LRRC49: variants seen among roughly 807,000 people sequenced by gnomAD.
LRRC49 encodes leucine rich repeat containing 49, also known as leucine-rich repeat-containing protein 49.
In LRRC49, 50 loss-of-function variants were observed where a neutral mutation model predicts 83.3. The observed-to-expected ratio is 0.60, with a 90% confidence interval of 0.48 to 0.76. The LOEUF is 0.76. Among genes scored for constraint, LRRC49 ranks in the 30% least tolerant of loss-of-function variants. The probability of loss-of-function intolerance (pLI) is 0.00; values close to 1 mark genes in which losing one functional copy is unlikely to be tolerated. For missense variants in LRRC49, 704 were observed against 809.1 expected, an observed-to-expected ratio of 0.87 and a Z score of 1.58; for synonymous variants, 286 against 283.3, an observed-to-expected ratio of 1.01 and a Z score of -0.10.
intron 15 of LRRC49, among the ~76,000 whole-genome samples, chr15:71,044,821 G>T (rs1351653388): frequency 6.6e-6 from 1 of 151,326 alleles, no homozygotes; most frequent in Non-Finnish European, 1.5e-5. Context: ...CATAAGCATT[G>T]GGAAACAGAA....
chr15:70,968,944 C>A (rs1212187668), intron 9 of LRRC49, among the ~76,000 whole-genome samples: 1 of 152,104 alleles, frequency 6.6e-6, no homozygotes, highest in Admixed American at 6.6e-5. Context: ...CCTGTTGACT[C>A]TGATGATAGT....
chr15:71,022,449 C>T (rs557526141), intron 14 of LRRC49, among the ~76,000 whole-genome samples: 4 of 152,140 alleles, frequency 2.6e-5, no homozygotes, highest in African/African-American at 9.6e-5. Context: ...ATGTTGTTTA[C>T]AAGAGATACA....
chr15:71,035,579 G>A (rs1353689684), intron 14 of LRRC49, among the ~76,000 whole-genome samples: 1 of 152,088 alleles, frequency 6.6e-6, no homozygotes, highest in Non-Finnish European at 1.5e-5. Context: ...TCCCACTTGT[G>A]AGTGATAATG....
At chr15:71,020,704 C>A (rs967496261) in intron 14 of LRRC49, among the ~76,000 whole-genome samples, 1 of 152,136 alleles carries the variant, frequency 6.6e-6, no homozygotes, top group Non-Finnish European at 1.5e-5. Context: ...ACCTAGAATT[C>A]TATGCACAGC....
intron 7 of LRRC49, among the ~76,000 whole-genome samples, chr15:70,927,875 T>G (rs1027756630): frequency 6.6e-6 from 1 of 152,166 alleles, no homozygotes; most frequent in Non-Finnish European, 1.5e-5. Context: ...CTCAAACACC[T>G]GGGCTCAAGT....
chr15:70,932,805 C>G (rs1596035043), intron 7 of LRRC49, among the ~76,000 whole-genome samples: 1 of 138,240 alleles, frequency 7.2e-6, no homozygotes, highest in Admixed American at 8.2e-5. Context: ...TCTCGGCTAA[C>G]TGCAACCTCC....
intron 1 of LRRC49, among the ~76,000 whole-genome samples, chr15:70,869,639 G>GC (rs2032987091): frequency 1.3e-5 from 2 of 152,142 alleles, no homozygotes; most frequent in Non-Finnish European, 2.9e-5. Flanking sequence ...TACAATACAG[G>GC]CCCAGGAGCT....
chr15:71,034,825 T>C (rs1178544055), intron 14 of LRRC49, among the ~76,000 whole-genome samples: 2 of 152,232 alleles, frequency 1.3e-5, no homozygotes, highest in East Asian at 1.9e-4. Context: ...TTCTCACTTA[T>C]AAGTGGGAGC....
chr15:70,960,602 C>T (rs1162346570), intron 8 of LRRC49, among the ~76,000 whole-genome samples: 1 of 151,968 alleles, frequency 6.6e-6, no homozygotes, highest in African/African-American at 2.4e-5. Context: ...ATCAATGGAA[C>T]CAAATAAAAG....
chr15:70,987,877 C>G (rs1183638953), intron 11 of LRRC49, among the ~76,000 whole-genome samples: 1 of 151,994 alleles, frequency 6.6e-6, no homozygotes, highest in Non-Finnish European at 1.5e-5. Context: ...TTATTTCTGC[C>G]TTCATTTTGT....
chr15:70,894,419 C>T (rs746994383), intron 2 of LRRC49, among the ~76,000 whole-genome samples: 20 of 152,186 alleles, frequency 1.3e-4, no homozygotes, highest in Admixed American at 5.2e-4. Context: ...TTAGACTTAA[C>T]GTTATTTAGA....
chr15:70,953,845 T>C (rs1034409525), intron 8 of LRRC49, among the ~76,000 whole-genome samples: 1 of 152,160 alleles, frequency 6.6e-6, no homozygotes, highest in Non-Finnish European at 1.5e-5. Flanking sequence ...TGTCTTCCTT[T>C]GTTGCTTCAA....
intron 1 of LRRC49, chr15:70,854,137 G>C (rs1203357268): frequency 1.0e-5 from 12 of 1,200,958 alleles, no homozygotes; most frequent in Non-Finnish European, 1.2e-5. Context: ...GCAAGGCCCA[G>C]CCAGCCGGTC....
At chr15:70,939,010 A>G (rs576139033) in intron 8 of LRRC49, among the ~76,000 whole-genome samples, 1 of 152,208 alleles carries the variant, frequency 6.6e-6, no homozygotes, top group African/African-American at 2.4e-5. Flanking sequence ...TTAATTATAT[A>G]TGGATATGTC....
At chr15:70,991,666 A>G (rs898970550) in intron 11 of LRRC49, among the ~76,000 whole-genome samples, 1 of 152,218 alleles carries the variant, frequency 6.6e-6, no homozygotes, top group Admixed American at 6.5e-5. Flanking sequence ...AGGGCTGACT[A>G]TATTTACATA....
At chr15:70,900,562 G>T (rs1305232432) in intron 3 of LRRC49, 13 of 457,566 alleles carry the variant, frequency 2.8e-5, no homozygotes, top group Non-Finnish European at 5.3e-5. Flanking sequence ...GGCTGTCATA[G>T]TGCTGGCCCA....
intron 3 of LRRC49, chr15:70,900,304 A>G (rs902398602): frequency 8.0e-6 from 3 of 373,324 alleles, no homozygotes; most frequent in Non-Finnish European, 1.1e-5. Context: ...ACGGTATGCT[A>G]GATTTACTGA....
chr15:71,020,732 A>G (rs2038967657), intron 14 of LRRC49, among the ~76,000 whole-genome samples: 1 of 152,226 alleles, frequency 6.6e-6, no homozygotes, highest in Admixed American at 6.5e-5. Flanking sequence ...TCTTTTAAGA[A>G]TGAAGGTGAA....
At chr15:70,858,159 A>G (rs893235908) in intron 1 of LRRC49, among the ~76,000 whole-genome samples, 1 of 152,218 alleles carries the variant, frequency 6.6e-6, no homozygotes, top group African/African-American at 2.4e-5. Context: ...TTTTTTCTAG[A>G]TGCCATACTC....
Sources: gnomAD v4.1 joint callset for allele counts (sites outside exome capture counted in the v4.1 genomes callset) on GRCh38, gnomAD v4.1.1 for gene constraint, MANE v1.5 for transcripts, NCBI Gene and HGNC (gene_info 2026-07-23, HGNC 2026-07-21) for gene names.